Variants in TTLL11 observed in about 807,000 individuals in gnomAD.
TTLL11 encodes the protein tubulin polyglutamylase TTLL11.
In TTLL11, 42 loss-of-function variants were observed where a neutral mutation model predicts 51.7. The ratio of observed to expected loss-of-function variants is 0.81; its 90% CI spans 0.64 to 1.05. TTLL11 has a LOEUF of 1.05. Ranked by LOEUF, TTLL11 falls within the 50% of genes least tolerant of loss-of-function variation. The pLI is 0.00. For missense variants in TTLL11, 799 were observed against 940.4 expected (o/e 0.85, Z 1.97); for synonymous variants, 381 against 383.5 (o/e 0.99, Z 0.08).
At chr9:121,857,812 C>CA (rs1304563615) in intron 8 of TTLL11, among the ~76,000 whole-genome samples, 1 of 152,194 alleles carries the variant, frequency 6.6e-6, no homozygotes, top group African/African-American at 2.4e-5. Context: ...AAGAGGCAAA[C>CA]AAAACATGAA....
chr9:121,869,500 G>C (rs779814459), intron 7 of TTLL11, among the ~76,000 whole-genome samples: 1 of 152,130 alleles, frequency 6.6e-6, no homozygotes, highest in South Asian at 2.1e-4. Flanking sequence ...CACTGTTGTC[G>C]CCCATTCATA....
chr9:122,033,256 G>A (rs1347582761), intron 2 of TTLL11, among the ~76,000 whole-genome samples: 2 of 152,176 alleles, frequency 1.3e-5, no homozygotes, highest in Non-Finnish European at 2.9e-5. Flanking sequence ...GGGATTACAG[G>A]TGTGCACCAC....
chr9:122,020,544 A>G (rs1207443308), intron 3 of TTLL11, among the ~76,000 whole-genome samples: 1 of 152,260 alleles, frequency 6.6e-6, no homozygotes, highest in Admixed American at 6.5e-5. Context: ...TCCTATGAAT[A>G]ATAGAAGAAT....
At position 121,860,306 on chromosome 9, in the gene TTLL11, A is replaced by C. The variant is rs1012534176; in HGVS notation, c.1840+31T>G. On this transcript the variant is annotated intron_variant, in intron 8 of 8. Coordinates refer to ENST00000321582, the MANE Select transcript of TTLL11 (RefSeq NM_001139442.2). ...ACCACCCATGCCTGTCAGGACCCCCACAGGCCATGGCAGAGGCATTTGTCA... is the reference window on the plus strand; with the variant it reads ...ACCACCCATGCCTGTCAGGACCCCCCCAGGCCATGGCAGAGGCATTTGTCA... 9.2e-6 allele frequency: 14 copies of C among 1,524,544 alleles called. No homozygotes were observed. The African/African-American group carries it at 1.9e-4, about 21-fold the overall frequency. 94.4% of individuals were successfully genotyped at this position (1,524,544 alleles called of 1,614,324 possible).
chr9:121,984,885 G>A (rs1446216261), intron 4 of TTLL11, among the ~76,000 whole-genome samples: 1 of 152,150 alleles, frequency 6.6e-6, no homozygotes, highest in Non-Finnish European at 1.5e-5. Context: ...AGGCCTTGCT[G>A]TATAAGTCAG....
In TTLL11 at chr9:122,092,828, G is replaced by T. The variant is rs747511339; in HGVS notation, c.321C>A (p.Asp107Glu). The change falls in exon 1 of 9, where the codon GAC becomes GAA. Residue 107 changes from aspartate (D) to glutamate (E), a missense_variant. Asp to Glu is a conservative substitution (Grantham distance 45). Transcript: ENST00000321582. ...QGLCPHGKPR[D>E]KGRSCKRSSG... ...AGCTCCGCTTGCAGCTTCGGCCCTTGTCCCGGGGCTTCCCGTGCGGGCAGA... is the reference window on the plus strand; with the variant it reads ...AGCTCCGCTTGCAGCTTCGGCCCTTTTCCCGGGGCTTCCCGTGCGGGCAGA... 1 of 1,558,014 alleles carries T rather than the reference G, an allele frequency of 6.4e-7. No homozygotes were observed. The highest frequency in any genetic ancestry group is 1.4e-5 in the African/African-American group (1 of 73,958).
intron 6 of TTLL11, among the ~76,000 whole-genome samples, chr9:121,951,654 T>G (rs1841854092): frequency 1.3e-5 from 2 of 152,162 alleles, no homozygotes; most frequent in South Asian, 4.1e-4. Flanking sequence ...TCCTCTGGAA[T>G]CACACTGTTA....
chr9:121,919,804 G>C (rs894306507), intron 6 of TTLL11, among the ~76,000 whole-genome samples: 8 of 143,820 alleles, frequency 5.6e-5, no homozygotes, highest in Admixed American at 1.4e-4. Context: ...TTGAGGCCAG[G>C]AGTTCAAAAC....
intron 6 of TTLL11, among the ~76,000 whole-genome samples, chr9:121,950,482 A>G (rs1841819034): frequency 6.6e-6 from 1 of 152,160 alleles, no homozygotes; most frequent in Admixed American, 6.5e-5. Flanking sequence ...TGAAACTCCA[A>G]TTTATTCATA....
rs10536790 is a variant in TTLL11 at position 121,829,774 on chromosome 9, T to TACACAC, written c.1841-6901_1841-6896dup. Among the ~76,000 whole-genome samples, 513 of 144,074 alleles carry TACACAC rather than the reference T, an allele frequency of 3.6e-3. 6 individuals are homozygous for TACACAC. Among genetic ancestry groups the TACACAC allele is most frequent in the African/African-American group, 0.012 (451 of 38,748 alleles). The allele number at this position is 144,074 out of a possible 152,430, so 94.5% of individuals were successfully genotyped here. On this transcript the variant is annotated intron_variant, in intron 8 of 8. Transcript: ENST00000321582. ...TGCTCGTTGTTGATAATAATTCAAG[T>TACACAC]ACACACACACACACACACACACACA... is the stretch of plus-strand genomic sequence containing the variant.
At chr9:122,073,286 T>C (rs1675228515) in intron 1 of TTLL11, among the ~76,000 whole-genome samples, 1 of 152,180 alleles carries the variant, frequency 6.6e-6, no homozygotes, top group Admixed American at 6.5e-5. Context: ...GGCATGCACC[T>C]GTAATCCCAG....
intron 1 of TTLL11, among the ~76,000 whole-genome samples, chr9:122,051,869 G>A (rs1185244198): frequency 6.6e-6 from 1 of 152,114 alleles, no homozygotes; most frequent in Non-Finnish European, 1.5e-5. Context: ...ATCTTGGCCT[G>A]TGGCTACGCT....
chr9:121,852,879 C>T (rs993710791), intron 8 of TTLL11, among the ~76,000 whole-genome samples: 8 of 152,228 alleles, frequency 5.3e-5, no homozygotes, highest in African/African-American at 1.7e-4. Flanking sequence ...TGAAGAACAT[C>T]GTTCGTGCCA....
At chr9:121,968,924 T>C (rs1363756880) in intron 6 of TTLL11, among the ~76,000 whole-genome samples, 1 of 145,692 alleles carries the variant, frequency 6.9e-6, no homozygotes, top group Non-Finnish European at 1.5e-5. Context: ...GGCTGGAGGG[T>C]AGTGGCACGA....
In TTLL11 at chr9:122,093,005, G is replaced by A. The variant is rs1405053342; in HGVS notation, c.144C>T (p.Ala48=). The A allele has an allele frequency of 3.2e-6, 5 of 1,539,796 alleles. No homozygotes were observed. The highest frequency in any genetic ancestry group is 1.4e-5 in the African/African-American group (1 of 71,214). ...AEQVRVDAGA[A]GEPECKAGEE... ...CCCCTGCCTTGCACTCCGGTTCCCC[G>A]GCCGCGCCCGCGTCCACGCGGACCT... The change falls in exon 1 of 9, where the codon GCC becomes GCT. Residue 48 remains alanine (A), a synonymous_variant. Coordinates refer to ENST00000321582, the MANE Select transcript of TTLL11 (RefSeq NM_001139442.2).
intron 6 of TTLL11, among the ~76,000 whole-genome samples, chr9:121,971,768 G>C (rs1188087432): frequency 2.9e-5 from 3 of 105,096 alleles, no homozygotes; most frequent in African/African-American, 8.7e-5. Flanking sequence ...AAAAGAAAAT[G>C]TGGCATATAT....
At chr9:121,905,354 CT>C (rs901939789) in intron 6 of TTLL11, among the ~76,000 whole-genome samples, 512 of 143,834 alleles carry the variant, frequency 3.6e-3, no homozygotes, top group Middle Eastern at 0.011. Context: ...TTACATTTAA[CT>C]TTTTTTTTTT....
chr9:121,986,224 C>A (rs1842936909), intron 4 of TTLL11, among the ~76,000 whole-genome samples: 1 of 152,180 alleles, frequency 6.6e-6, no homozygotes, highest in South Asian at 2.1e-4. Flanking sequence ...CAGCTTGGGC[C>A]CCACTGATGG....
chr9:121,920,771 C>T (rs140820050), intron 6 of TTLL11, among the ~76,000 whole-genome samples: 72 of 152,282 alleles, frequency 4.7e-4, no homozygotes, highest in African/African-American at 1.7e-3. Flanking sequence ...GTTTATACCA[C>T]CAAATATGGC....
Sources: allele counts gnomAD v4.1 joint callset (sites outside exome capture counted in the v4.1 genomes callset), GRCh38; gene constraint gnomAD v4.1.1; transcripts MANE v1.5; gene names NCBI Gene and HGNC (gene_info 2026-07-23, HGNC 2026-07-21).